Variants in TBXT observed in about 807,000 individuals in gnomAD.
The protein encoded by TBXT is T brachyury transcription factor.
TBXT carries 19 observed loss-of-function variants against 41.1 expected under a neutral mutation model. That is an observed-to-expected ratio of 0.46 (90% CI 0.32 to 0.68). TBXT has a LOEUF of 0.68. Among genes scored for constraint, TBXT ranks in the 30% least tolerant of loss-of-function variants. The pLI is 0.03. For synonymous variants in TBXT, 213 were observed against 238.9 expected, an observed-to-expected ratio of 0.89 and a Z score of 1.00; for missense variants, 536 against 582.0, an observed-to-expected ratio of 0.92 and a Z score of 0.81.
upstream of TBXT, chr6:166,168,608 CAG>C (rs1010223562): frequency 2.6e-5 from 4 of 152,380 alleles, no homozygotes; most frequent in Non-Finnish European, 4.4e-5. Context: ...GGTCCGCGCG[CAG>C]AGAGGGAAAT....
rs1351408375 is a variant in TBXT at position 166,166,179 on chromosome 6, C to T, written c.472-339G>A. On this transcript the variant is annotated intron_variant, in intron 2 of 7. Transcript: ENST00000366876. ...GTTTGCAACTTGCCTAACCTGGGGTCTTCCAGGAACAATCCCCGACTAAAG... is the reference window on the plus strand; with the variant it reads ...GTTTGCAACTTGCCTAACCTGGGGTTTTCCAGGAACAATCCCCGACTAAAG... Among the ~76,000 whole-genome samples the T allele has an allele frequency of 2.0e-5, 3 of 152,324 alleles. 1 individual carries two copies. In the East Asian group the frequency reaches 5.8e-4, roughly 29 times the overall value.
chr6:166,168,307 G>A (rs1779208671), upstream of TBXT: 1 of 152,300 alleles, frequency 6.6e-6, no homozygotes, highest in Admixed American at 6.5e-5. Context: ...GCGCCAGGCT[G>A]GAACGTTCGC....
At chr6:166,166,563 C>A in intron 2 of TBXT, 29 bp downstream of exon 2, 1 of 1,613,292 alleles carries the variant, frequency 6.2e-7, no homozygotes, top group South Asian at 1.1e-5. Context: ...CCTCGCTGGT[C>A]CCAGACCTGG....
chr6:166,164,962 T>C (rs906108910), intron 3 of TBXT, 101 bp from the exon 4 acceptor site: 25 of 942,912 alleles, frequency 2.7e-5, no homozygotes, highest in Non-Finnish European at 4.0e-5. Context: ...CTTTTAAATA[T>C]TCAAATATAA....
At chr6:166,168,040 C>T (rs1194777969), upstream of TBXT, among the ~76,000 whole-genome samples, 2 of 152,124 alleles carry the variant, frequency 1.3e-5, no homozygotes, top group Non-Finnish European at 2.9e-5. Context: ...ACGCCTGTTT[C>T]ATGTAAATCC....
At chr6:166,168,138 G>T (rs1438199698), upstream of TBXT, among the ~76,000 whole-genome samples, 4 of 151,708 alleles carry the variant, frequency 2.6e-5, no homozygotes, top group African/African-American at 9.7e-5. Flanking sequence ...GGCGGGGCAA[G>T]CCCCGGAGGA....
In TBXT at chr6:166,160,846, G is replaced by T; in HGVS notation, c.1028C>A (p.Thr343Asn). The change falls in exon 7 of 8, where the codon ACC becomes AAC. Residue 343 changes from threonine (T) to asparagine (N), a missense_variant. By Grantham distance (65) the Thr-to-Asn change is moderately conservative. Transcript: ENST00000366876. Reference protein sequence around the residue: ...LPVSHNASPPTSSSQYPSLWS... With the variant: ...LPVSHNASPPNSSSQYPSLWS... ...CCTGGACATACATTACCTGGAGCTG[G>T]TAGGTGGGCTGGCATTGTGGCTCAC... 6.2e-7 allele frequency: 1 copy of T among 1,614,164 alleles called. No homozygotes were observed. The highest frequency in any genetic ancestry group is 8.5e-7 in the Non-Finnish European group (1 of 1,180,032).
chr6:166,161,784 C>G (rs941126410), intron 6 of TBXT, among the ~76,000 whole-genome samples: 5 of 152,188 alleles, frequency 3.3e-5, no homozygotes, highest in Admixed American at 1.3e-4. Flanking sequence ...TTAGCCAGGC[C>G]TGGTGGCAGG....
At chr6:166,164,901 T>C in intron 3 of TBXT, 40 bp from the exon 4 acceptor site, 1 of 1,546,960 alleles carries the variant, frequency 6.5e-7, no homozygotes. Context: ...ATATTCCCTA[T>C]TAGCCAGGGG....
At chr6:166,161,971 G>A (rs1179031571) in intron 6 of TBXT, among the ~76,000 whole-genome samples, 1 of 152,242 alleles carries the variant, frequency 6.6e-6, no homozygotes, top group African/African-American at 2.4e-5. Context: ...CTGCCTGTCA[G>A]TCTGGGGTGG....
rs115492629 is a variant in TBXT at position 166,165,995 on chromosome 6, G to T, written c.472-155C>A. ...GTTCCACCAGGGGAGGCTTCTCCGC[G>T]GTTTATATGTGCTATTCCCACAGCT... On this transcript the variant is annotated intron_variant, in intron 2 of 7. Transcript: ENST00000366876. 5.5e-3 allele frequency among the ~76,000 whole-genome samples: 845 copies of T among 152,294 alleles called. 7 individuals are homozygous for T. Among genetic ancestry groups the T allele is most frequent in the African/African-American group, 0.019 (791 of 41,552 alleles).
chr6:166,160,525 T>C (rs1368315185), intron 7 of TBXT, among the ~76,000 whole-genome samples: 1 of 152,120 alleles, frequency 6.6e-6, no homozygotes, highest in East Asian at 1.9e-4. Flanking sequence ...GTCCATCACG[T>C]GAACCAGTAA....
intron 5 of TBXT, among the ~76,000 whole-genome samples, chr6:166,164,330 C>G (rs1779046168): frequency 1.3e-5 from 2 of 152,234 alleles, no homozygotes; most frequent in African/African-American, 4.8e-5. Flanking sequence ...AAACACCCAG[C>G]TAGGTCTCAA....
chr6:166,167,320 C>T (rs1779149514), intron 1 of TBXT, 66 bp downstream of exon 1: 3 of 1,590,428 alleles, frequency 1.9e-6, no homozygotes, highest in African/African-American at 1.3e-5. Context: ...CGGGAACTTG[C>T]CAGGTCCCCC....
At chr6:166,164,501 G>C (rs979326617) in intron 5 of TBXT, 104 bp downstream of exon 5, 1 of 1,365,714 alleles carries the variant, frequency 7.3e-7, no homozygotes. Context: ...TACATCCCAG[G>C]CACACCCAGA....
At position 166,167,396 on chromosome 6, in the gene TBXT, T is replaced by C; in HGVS notation, c.196A>G (p.Lys66Glu). Residue 66 changes from lysine to glutamate, a missense_variant, in exon 1 of 8, where the codon AAG (lysine) becomes GAG (glutamate). Lys to Glu is a moderately conservative substitution (Grantham distance 56). Transcript: ENST00000366876. ...KELTNEMIVT[K>E]NGRRMFPVLK... The stretch of plus-strand genomic sequence containing the variant: ...CGGACGCGCACCCACCTGCCGTTCT[T>C]GGTCACGATCATCTCATTGGTGAGC... 6.2e-7 allele frequency: 1 copy of C among 1,613,012 alleles called. No individual in the cohort carries two copies. Among genetic ancestry groups the C allele is most frequent in the Non-Finnish European group, 8.5e-7 (1 of 1,179,904 alleles).
intron 6 of TBXT, among the ~76,000 whole-genome samples, chr6:166,161,579 C>T (rs1437006940): frequency 6.6e-6 from 1 of 152,200 alleles, no homozygotes; most frequent in East Asian, 1.9e-4. Flanking sequence ...TATGGTCTAT[C>T]CCAGTGTTCC....
At chr6:166,159,824 C>T (rs373184676) in intron 7 of TBXT, among the ~76,000 whole-genome samples, 23 of 152,300 alleles carry the variant, frequency 1.5e-4, no homozygotes, top group African/African-American at 4.3e-4. Flanking sequence ...CTGAGACCCT[C>T]GGGTGGGGCC....
chr6:166,165,743 G>GT lies in TBXT; in HGVS notation c.568dup (p.Thr190AsnfsTer18). The GT allele has an allele frequency of 6.2e-7, 1 of 1,614,162 alleles. No homozygotes were observed. Among genetic ancestry groups the GT allele is most frequent in the East Asian group, 2.2e-5 (1 of 44,882 alleles). Reference sequence around the variant, plus strand: ...ATAAGCAGTCACCGCTATGAACTGGGTCTCAGGGAAGCAGTGGCTGGTGAT... The same window carrying GT: ...ATAAGCAGTCACCGCTATGAACTGGGTTCTCAGGGAAGCAGTGGCTGGTGAT... On this transcript the variant is annotated frameshift_variant, in exon 3 of 8. Transcript: ENST00000366876. LOFTEE classifies it high-confidence loss of function.
Sources: allele counts gnomAD v4.1 joint callset (sites outside exome capture counted in the v4.1 genomes callset), GRCh38; gene constraint gnomAD v4.1.1; transcripts MANE v1.5; gene names NCBI Gene and HGNC (gene_info 2026-07-23, HGNC 2026-07-21).